The following PHLDB2 variants were observed in gnomAD, a reference collection of about 807,000 sequenced individuals.
PHLDB2 encodes the protein pleckstrin homology-like domain family B member 2.
Under a neutral mutation model 123.6 loss-of-function variants are expected in PHLDB2, and 71 were observed. The ratio of observed to expected loss-of-function variants is 0.57; its 90% confidence interval spans 0.47 to 0.70. The LOEUF (loss-of-function observed/expected upper bound fraction) is 0.70. PHLDB2 is among the 30% of genes least tolerant of loss of function. The probability of loss-of-function intolerance (pLI) is 0.00; values close to 1 mark genes in which losing one functional copy is unlikely to be tolerated. For missense variants in PHLDB2, 1,446 were observed against 1,519.5 expected (o/e 0.95, Z 0.80); for synonymous variants, 547 against 541.6 (o/e 1.01, Z -0.14).
intron 2 of PHLDB2, among the ~76,000 whole-genome samples, chr3:111,903,053 A>G (rs1485311003): frequency 6.6e-6 from 1 of 152,184 alleles, no homozygotes; most frequent in Non-Finnish European, 1.5e-5. Flanking sequence ...TTGTGATAGT[A>G]ATTTTTAAAA....
chr3:111,894,626 CATT>C (rs1318977153), intron 2 of PHLDB2, among the ~76,000 whole-genome samples: 2 of 151,522 alleles, frequency 1.3e-5, no homozygotes, highest in Non-Finnish European at 2.9e-5. Flanking sequence ...GATGGTTTCT[CATT>C]GTTGTTTTGA....
At position 111,832,812 on chromosome 3, in the gene PHLDB2, C is replaced by T. The variant is rs188780892; in HGVS notation, c.-48-13009C>T. On this transcript the variant is annotated intron_variant, in intron 1 of 17. Transcript: ENST00000393923. ...ATATAATATATATAATAGAATTATACATATAATATATATAATAGAATTATA... is the reference window on the plus strand; with the variant it reads ...ATATAATATATATAATAGAATTATATATATAATATATATAATAGAATTATA... Among the ~76,000 whole-genome samples, 28 of 40,440 alleles carry T rather than the reference C, an allele frequency of 6.9e-4. 1 individual carries two copies. The highest frequency in any genetic ancestry group is 1.8e-3 in the African/African-American group (12 of 6,666). 26.5% of individuals were successfully genotyped at this position (40,440 alleles called of 152,430 possible). A position where few individuals can be genotyped will look rare whatever the true frequency, so the allele number is the denominator to read the frequency against.
intron 1 of PHLDB2, among the ~76,000 whole-genome samples, chr3:111,776,351 C>T (rs1217432611): frequency 6.6e-6 from 1 of 152,032 alleles, no homozygotes; most frequent in Non-Finnish European, 1.5e-5. Flanking sequence ...TATAGGGTGA[C>T]ATTTTAATAT....
rs114825383 is a variant in PHLDB2 at position 111,863,171 on chromosome 3, G to C, written c.-15+3595G>C. Among the ~76,000 whole-genome samples, 403 of 152,284 alleles carry C rather than the reference G, an allele frequency of 2.6e-3. 2 individuals carry two copies. Among genetic ancestry groups the C allele is most frequent in the Non-Finnish European group, 4.1e-3 (279 of 68,024 alleles). Reference sequence around the variant, plus strand: ...CCAGAAAGGGGTAATTCCATTATATGACCTGTGACACTCCACTTCTGATGC... The same window carrying C: ...CCAGAAAGGGGTAATTCCATTATATCACCTGTGACACTCCACTTCTGATGC... On this transcript the variant is annotated intron_variant, in intron 1 of 17. Transcript: ENST00000431670.
At position 111,792,368 on chromosome 3, in the gene PHLDB2, T is replaced by C. The variant is rs564247041; in HGVS notation, c.-48-53453T>C. ...CATTAGCTCAGATAGGAGGGAGGCA[T>C]AGGGATGAAATGTGGAGAACTTACA... is the stretch of plus-strand genomic sequence containing the variant. On this transcript the variant is annotated intron_variant, in intron 1 of 17. Coordinates refer to the PHLDB2 transcript ENST00000393923. Among the ~76,000 whole-genome samples the C allele has an allele frequency of 1.4e-3, 212 of 152,300 alleles. 1 individual carries two copies. Among genetic ancestry groups the C allele is most frequent in the Non-Finnish European group, 9.3e-4 (63 of 68,010 alleles).
At chr3:111,939,050 C>T (rs71315891) in intron 6 of PHLDB2, among the ~76,000 whole-genome samples, 22,704 of 151,994 alleles carry the variant, frequency 0.15, 1,922 homozygotes, top group Non-Finnish European at 0.18. Flanking sequence ...TCAGGTGATC[C>T]CCCCTCCTCA....
chr3:111,897,368 T>C (rs2066934984), intron 2 of PHLDB2, among the ~76,000 whole-genome samples: 1 of 152,172 alleles, frequency 6.6e-6, no homozygotes. Context: ...TCTTCTGTTT[T>C]TTTCCCCATA....
chr3:111,880,073 T>C (rs772164873), intron 1 of PHLDB2, among the ~76,000 whole-genome samples: 5 of 150,268 alleles, frequency 3.3e-5, no homozygotes, highest in Non-Finnish European at 5.9e-5. Flanking sequence ...TGAAGTCATT[T>C]ACAACATCTG....
intron 1 of PHLDB2, among the ~76,000 whole-genome samples, chr3:111,869,729 G>T (rs1488198010): frequency 6.6e-6 from 1 of 152,184 alleles, no homozygotes; most frequent in Non-Finnish European, 1.5e-5. Flanking sequence ...GTGTGTGTGT[G>T]TGTCTACACA....
intron 1 of PHLDB2, among the ~76,000 whole-genome samples, chr3:111,775,182 T>C (rs2060246802): frequency 6.6e-6 from 1 of 152,144 alleles, no homozygotes; most frequent in African/African-American, 2.4e-5. Flanking sequence ...GATACTATCA[T>C]CATCACCATC....
At position 111,884,751 on chromosome 3, in the gene PHLDB2, G is replaced by C. The variant is rs200941711; in HGVS notation, c.674G>C (p.Arg225Thr). The C allele has an allele frequency of 1.9e-6, 3 of 1,613,918 alleles. No homozygotes were observed. In the African/African-American group the frequency reaches 4.0e-5, roughly 22 times the overall value. Residue 225 changes from arginine (R) to threonine (T), a missense_variant, in exon 2 of 18, where the codon AGA (arginine) becomes ACA (threonine). Arg to Thr is a moderately conservative substitution (Grantham distance 71, BLOSUM62 -1). Transcript: ENST00000431670. ...DSLALQPKLTRHKELASENIN... is the reference protein window; with the variant it reads ...DSLALQPKLTTHKELASENIN... ...CTGGCGCTTCAACCCAAGTTAACTA[G>C]ACACAAGGAGCTTGCATCTGAAAAC...
At chr3:111,898,216 G>T (rs2066990550) in intron 2 of PHLDB2, among the ~76,000 whole-genome samples, 1 of 143,962 alleles carries the variant, frequency 6.9e-6, no homozygotes, top group Non-Finnish European at 1.5e-5. Context: ...GTCTTGCTCT[G>T]TCTCCCAGGC....
At chr3:111,845,880 G>A (rs267599542) in exon 2 of PHLDB2, 1 of 1,614,050 alleles carries the variant, frequency 6.2e-7, no homozygotes, top group South Asian at 1.1e-5. Flanking sequence ...TGGAGGAGGA[G>A]GATACCAAGA....
intron 2 of PHLDB2, among the ~76,000 whole-genome samples, chr3:111,888,448 C>T (rs2066299404): frequency 6.6e-6 from 1 of 151,900 alleles, no homozygotes; most frequent in South Asian, 2.1e-4. Flanking sequence ...ATTGTGTATA[C>T]CTGAGAGTAG....
intron 1 of PHLDB2, among the ~76,000 whole-genome samples, chr3:111,834,266 T>TATATATAATATATATATAATTCTATTAG (rs2108510065): frequency 8.8e-6 from 1 of 113,656 alleles, no homozygotes; most frequent in African/African-American, 3.1e-5. Context: ...AATTCTATTA[T>TATATATAATATATATATAATTCTATTAG]ATACATAATA....
intron 15 of PHLDB2, among the ~76,000 whole-genome samples, 174 bp downstream of exon 15, chr3:111,967,998 A>AAAAT (rs1491048399): frequency 1.3e-5 from 2 of 149,582 alleles, no homozygotes; most frequent in African/African-American, 5.0e-5. Context: ...AAAAAAAAAA[A>AAAAT]ATGTGAGTTC....
chr3:111,751,039 A>G (rs1449767050), intron 1 of PHLDB2, among the ~76,000 whole-genome samples: 5 of 152,160 alleles, frequency 3.3e-5, no homozygotes, highest in African/African-American at 1.2e-4. Flanking sequence ...TGTTTTTTAA[A>G]TGCTGCAGGT....
intron 6 of PHLDB2, among the ~76,000 whole-genome samples, chr3:111,934,200 TCAC>T (rs1577122363): frequency 1.3e-5 from 2 of 152,204 alleles, no homozygotes; most frequent in East Asian, 3.8e-4. Flanking sequence ...TGGCTGCAGT[TCAC>T]CTTATATTAA....
chr3:111,758,948 A>G (rs1295306865), intron 1 of PHLDB2, among the ~76,000 whole-genome samples: 3 of 152,144 alleles, frequency 2.0e-5, no homozygotes, highest in Admixed American at 1.3e-4. Context: ...GGGTCCTATC[A>G]ATATGGGGCC....
Sources: gnomAD v4.1 joint callset for allele counts (sites outside exome capture counted in the v4.1 genomes callset) on GRCh38, gnomAD v4.1.1 for gene constraint, MANE v1.5 for transcripts, NCBI Gene and HGNC (gene_info 2026-07-23, HGNC 2026-07-21) for gene names.